Variants in NELL1 observed in about 807,000 individuals in gnomAD.
NELL1 encodes the protein neural EGFL like 1.
Under a neutral mutation model 107.4 loss-of-function variants are expected in NELL1, and 76 were observed. The ratio of observed to expected loss-of-function variants is 0.71; its 90% confidence interval spans 0.59 to 0.86. NELL1 has a LOEUF of 0.86. Among genes scored for constraint, NELL1 ranks in the 40% least tolerant of loss-of-function variants. The pLI is 0.00. For missense variants in NELL1, 1,024 were observed against 1,005.5 expected, an observed-to-expected ratio of 1.02 and a Z score of -0.25; for synonymous variants, 353 against 341.2, an observed-to-expected ratio of 1.03 and a Z score of -0.38.
intron 12 of NELL1, among the ~76,000 whole-genome samples, chr11:21,088,424 C>A (rs977598423): frequency 6.6e-6 from 1 of 152,144 alleles, no homozygotes; most frequent in Non-Finnish European, 1.5e-5. Context: ...TTTCTTAAAA[C>A]AACAAATCTA....
At chr11:20,768,824 G>T (rs989779500) in intron 2 of NELL1, among the ~76,000 whole-genome samples, 2 of 152,142 alleles carry the variant, frequency 1.3e-5, no homozygotes, top group African/African-American at 4.8e-5. Flanking sequence ...GAGTATGGCC[G>T]TGCCCCCATC....
chr11:21,216,347 C>A (rs1032268042), intron 13 of NELL1, among the ~76,000 whole-genome samples: 9 of 152,206 alleles, frequency 5.9e-5, no homozygotes, highest in Admixed American at 5.9e-4. Context: ...TTGGAGCCCC[C>A]ACACGGAGTC....
At chr11:21,023,684 A>G (rs1016430997) in intron 12 of NELL1, among the ~76,000 whole-genome samples, 1 of 152,074 alleles carries the variant, frequency 6.6e-6, no homozygotes, top group Admixed American at 6.6e-5. Flanking sequence ...GGCAGTGTGC[A>G]GCCCTGCTTG....
chr11:20,804,925 CTAA>C (rs1177682083), intron 3 of NELL1, among the ~76,000 whole-genome samples: 1 of 152,110 alleles, frequency 6.6e-6, no homozygotes, highest in African/African-American at 2.4e-5. Flanking sequence ...GTTTTTAGGT[CTAA>C]TAATATTTGC....
intron 17 of NELL1, among the ~76,000 whole-genome samples, chr11:21,568,874 T>G (rs1857033023): frequency 6.6e-6 from 1 of 151,628 alleles, no homozygotes; most frequent in South Asian, 2.1e-4. Context: ...TATCTCTTTT[T>G]TTTTTTTATA....
At chr11:20,755,549 TG>T (rs751857300) in intron 2 of NELL1, among the ~76,000 whole-genome samples, 1,559 of 39,112 alleles carry the variant, frequency 0.04, 36 homozygotes, top group African/African-American at 0.091. Context: ...TGTTTTTTTT[TG>T]TTTTTGTTTT....
chr11:21,486,475 A>G (rs1269163582), intron 15 of NELL1, among the ~76,000 whole-genome samples: 7 of 152,208 alleles, frequency 4.6e-5, no homozygotes, highest in African/African-American at 1.4e-4. Context: ...CTTCAGCAAA[A>G]AGCCTTCTCC....
intron 2 of NELL1, among the ~76,000 whole-genome samples, chr11:20,680,866 T>C (rs577869373): frequency 3.4e-4 from 52 of 152,268 alleles, no homozygotes; most frequent in Middle Eastern, 3.4e-3. Flanking sequence ...TCAGTCCAAA[T>C]TGGCAGGGTT....
At chr11:21,526,879 G>A (rs1464086264) in intron 15 of NELL1, among the ~76,000 whole-genome samples, 13 of 152,182 alleles carry the variant, frequency 8.5e-5, no homozygotes, top group Admixed American at 8.5e-4. Context: ...GCCTGTGATG[G>A]GAGGAGCTGC....
chr11:21,421,921 G>A (rs1852683436), intron 15 of NELL1, among the ~76,000 whole-genome samples: 1 of 152,140 alleles, frequency 6.6e-6, no homozygotes, highest in Non-Finnish European at 1.5e-5. Context: ...TCACATGTGA[G>A]GAATCCTCAA....
intron 13 of NELL1, among the ~76,000 whole-genome samples, chr11:21,182,009 C>T (rs1216590351): frequency 6.6e-6 from 1 of 151,798 alleles, no homozygotes; most frequent in African/African-American, 2.4e-5. Context: ...GTTATTATCC[C>T]AATGTAATAG....
Position 21,516,723 on chromosome 11 carries a change from T to TCA in NELL1, c.1646-17636_1646-17635dup, listed in dbSNP as rs922358009. ...CACTGTTGTATACATGGTCTGTCAATCACACACACACACACATACACACAC... is the reference window on the plus strand; with the variant it reads ...CACTGTTGTATACATGGTCTGTCAATCACACACACACACACACATACACACAC... On this transcript the variant is annotated intron_variant, in intron 15 of 19. Transcript: ENST00000357134. Among the ~76,000 whole-genome samples, 1,358 of 145,526 alleles carry TCA rather than the reference T, an allele frequency of 9.3e-3. 18 individuals are homozygous for TCA. Among genetic ancestry groups the TCA allele is most frequent in the African/African-American group, 0.033 (1,261 of 38,774 alleles).
chr11:21,083,522 A>G (rs1854316741), intron 12 of NELL1, among the ~76,000 whole-genome samples: 1 of 152,160 alleles, frequency 6.6e-6, no homozygotes, highest in African/African-American at 2.4e-5. Context: ...TTACAATACA[A>G]ATTGTGATAG....
chr11:21,010,368 C>A (rs1395824863), intron 12 of NELL1, among the ~76,000 whole-genome samples: 1 of 151,976 alleles, frequency 6.6e-6, no homozygotes, highest in African/African-American at 2.4e-5. Flanking sequence ...CCCCTTGCTC[C>A]ACCCTCCCTG....
At chr11:20,762,983 T>C (rs1295548773) in intron 2 of NELL1, among the ~76,000 whole-genome samples, 1 of 151,996 alleles carries the variant, frequency 6.6e-6, no homozygotes, top group Middle Eastern at 3.2e-3. Flanking sequence ...GCCGAAACAC[T>C]TTAAAAAAAG....
At chr11:21,406,140 TGAAAGA>T (rs1363911871) in intron 15 of NELL1, among the ~76,000 whole-genome samples, 1 of 151,788 alleles carries the variant, frequency 6.6e-6, no homozygotes, top group African/African-American at 2.4e-5. Flanking sequence ...GAGAAGACAA[TGAAAGA>T]GAGAGAGAGA....
intron 15 of NELL1, among the ~76,000 whole-genome samples, chr11:21,399,017 A>G (rs77418866): frequency 0.025 from 3,763 of 149,330 alleles, 154 homozygotes; most frequent in African/African-American, 0.087. Context: ...TTTTGGTGGT[A>G]AGAACAGCCA....
chr11:21,518,062 A>T (rs1855616489), intron 15 of NELL1, among the ~76,000 whole-genome samples: 1 of 151,670 alleles, frequency 6.6e-6, no homozygotes, highest in Non-Finnish European at 1.5e-5. Context: ...GCTCTTTGGG[A>T]ATCATAAACC....
intron 15 of NELL1, among the ~76,000 whole-genome samples, chr11:21,512,148 T>C (rs996486401): frequency 6.6e-6 from 1 of 152,194 alleles, no homozygotes; most frequent in African/African-American, 2.4e-5. Flanking sequence ...AGTTGGTACC[T>C]CTTTAGCTGA....
Sources: allele counts gnomAD v4.1 joint callset (sites outside exome capture counted in the v4.1 genomes callset), GRCh38; gene constraint gnomAD v4.1.1; transcripts MANE v1.5; gene names NCBI Gene and HGNC (gene_info 2026-07-23, HGNC 2026-07-21).